The following TDRD3 variants were observed in gnomAD, a reference collection of about 807,000 sequenced individuals.
TDRD3 encodes the protein tudor domain-containing protein 3.
In TDRD3, 45 loss-of-function variants were observed where a neutral mutation model predicts 86.7. The ratio of observed to expected loss-of-function variants is 0.52; its 90% CI spans 0.41 to 0.67. The LOEUF (loss-of-function observed/expected upper bound fraction) is 0.67. Ranked by LOEUF, TDRD3 falls within the 30% of genes least tolerant of loss-of-function variation. The pLI is 0.00. For synonymous variants in TDRD3, 298 were observed against 301.7 expected, an observed-to-expected ratio of 0.99 and a Z score of 0.13; for missense variants, 814 against 889.0, an observed-to-expected ratio of 0.92 and a Z score of 1.07.
chr13:60,490,843 C>T (rs764666093), intron 7 of TDRD3, among the ~76,000 whole-genome samples: 7 of 152,060 alleles, frequency 4.6e-5, no homozygotes, highest in African/African-American at 1.4e-4. Flanking sequence ...TCTAGCCAGG[C>T]GCAGTGGCTC....
chr13:60,494,624 G>T, intron 8 of TDRD3, 49 bp downstream of exon 8: 1 of 1,563,596 alleles, frequency 6.4e-7, no homozygotes, highest in South Asian at 1.2e-5. Flanking sequence ...TTCTTAAAAT[G>T]ATTCTTTTAT....
At chr13:60,494,186 T>C (rs1956663492) in intron 7 of TDRD3, among the ~76,000 whole-genome samples, 1 of 152,216 alleles carries the variant, frequency 6.6e-6, no homozygotes, top group Non-Finnish European at 1.5e-5. Context: ...GTACACTCAT[T>C]TTCATGACTT....
chr13:60,485,980 C>A, intron 7 of TDRD3, 32 bp downstream of exon 7: 1 of 1,569,438 alleles, frequency 6.4e-7, no homozygotes, highest in South Asian at 1.2e-5. Flanking sequence ...CGTTTTATTT[C>A]TTATCATTAT....
At chr13:60,503,086 C>T (rs1156569898) in intron 8 of TDRD3, among the ~76,000 whole-genome samples, 8 of 152,154 alleles carry the variant, frequency 5.3e-5, no homozygotes, top group African/African-American at 1.9e-4. Flanking sequence ...GAAAGACAAA[C>T]AAGGATCATC....
chr13:60,546,430 T>A (rs542389757), intron 12 of TDRD3, among the ~76,000 whole-genome samples: 17 of 152,232 alleles, frequency 1.1e-4, no homozygotes, highest in African/African-American at 3.8e-4. Context: ...GACTAGAAAG[T>A]CTAAATTTTG....
At chr13:60,403,951 TC>T (rs1273702803) in intron 1 of TDRD3, among the ~76,000 whole-genome samples, 3 of 152,224 alleles carry the variant, frequency 2.0e-5, no homozygotes, top group Non-Finnish European at 4.4e-5. Context: ...TATTTATACC[TC>T]CTGTACACAA....
At chr13:60,463,473 C>T (rs1955846972) in intron 4 of TDRD3, among the ~76,000 whole-genome samples, 1 of 150,788 alleles carries the variant, frequency 6.6e-6, no homozygotes, top group African/African-American at 2.4e-5. Flanking sequence ...TGGATAAGAC[C>T]TCAAAAACAT....
intron 1 of TDRD3, among the ~76,000 whole-genome samples, chr13:60,432,637 G>A (rs1234273690): frequency 3.3e-5 from 5 of 152,096 alleles, no homozygotes; most frequent in East Asian, 3.9e-4. Context: ...AGAGATCTTC[G>A]TATGGGTAAT....
intron 12 of TDRD3, among the ~76,000 whole-genome samples, chr13:60,560,997 A>G (rs1017396279): frequency 6.6e-6 from 1 of 152,192 alleles, no homozygotes; most frequent in African/African-American, 2.4e-5. Context: ...GATGAGGTAC[A>G]TAAAAAGAGA....
At chr13:60,550,171 A>C (rs1958016560) in intron 12 of TDRD3, among the ~76,000 whole-genome samples, 1 of 152,146 alleles carries the variant, frequency 6.6e-6, no homozygotes, top group African/African-American at 2.4e-5. Flanking sequence ...TATAACACTC[A>C]TTAAATGAAG....
rs1000897304 is a variant in TDRD3, at chr13:60,522,821, A to G, written c.1142-5546A>G. ...AGAGCCTTTGTGATTTCTACATCTC[A>G]CCAGAAATGAACAGATACAGGTGAT... On this transcript the variant is annotated intron_variant, in intron 10 of 13. Coordinates refer to ENST00000377881, the MANE Select transcript of TDRD3 (RefSeq NM_001146070.2). Among the ~76,000 whole-genome samples the G allele has an allele frequency of 4.6e-5, 7 of 152,286 alleles. No individual in the cohort carries two copies. In the South Asian group the frequency reaches 1.5e-3, roughly 32 times the overall value.
intron 12 of TDRD3, among the ~76,000 whole-genome samples, chr13:60,541,447 G>T (rs1455431595): frequency 6.6e-6 from 1 of 152,032 alleles, no homozygotes; most frequent in East Asian, 1.9e-4. Flanking sequence ...GATTATGGGT[G>T]TGAGCCACCT....
intron 10 of TDRD3, among the ~76,000 whole-genome samples, chr13:60,515,237 G>A (rs1957143714): frequency 6.6e-6 from 1 of 152,084 alleles, no homozygotes; most frequent in South Asian, 2.1e-4. Flanking sequence ...AAGTTTTATT[G>A]CCAAAATAAG....
intron 3 of TDRD3, among the ~76,000 whole-genome samples, chr13:60,456,483 A>G (rs889844796): frequency 1.3e-4 from 20 of 152,198 alleles, no homozygotes; most frequent in Admixed American, 9.2e-4. Context: ...TTTCTAAGCC[A>G]CTAAAATTTT....
intron 12 of TDRD3, among the ~76,000 whole-genome samples, chr13:60,556,905 GT>G (rs909522643): frequency 1.3e-5 from 2 of 152,068 alleles, no homozygotes; most frequent in African/African-American, 4.8e-5. Flanking sequence ...TTAAGAAAAT[GT>G]AAATAGAAGT....
intron 12 of TDRD3, among the ~76,000 whole-genome samples, chr13:60,538,732 G>A (rs1595088812): frequency 6.6e-6 from 1 of 151,938 alleles, no homozygotes; most frequent in East Asian, 1.9e-4. Context: ...ACTCTAAAAC[G>A]AATTCCAGGA....
intron 12 of TDRD3, among the ~76,000 whole-genome samples, chr13:60,555,656 A>C (rs1958165536): frequency 6.6e-6 from 1 of 152,150 alleles, no homozygotes. Flanking sequence ...TGTTTATAAA[A>C]ATGTTTAGCA....
chr13:60,464,587 C>T (rs946744948), intron 4 of TDRD3, among the ~76,000 whole-genome samples: 2 of 150,262 alleles, frequency 1.3e-5, no homozygotes, highest in African/African-American at 5.0e-5. Context: ...CACACACATA[C>T]ACACACACAC....
chr13:60,501,447 A>G (rs1478523173), intron 8 of TDRD3, among the ~76,000 whole-genome samples: 1 of 152,226 alleles, frequency 6.6e-6, no homozygotes. Context: ...ACTAATATAA[A>G]TGGAACATTC....
Sources: gnomAD v4.1 joint callset for allele counts (sites outside exome capture counted in the v4.1 genomes callset) on GRCh38, gnomAD v4.1.1 for gene constraint, MANE v1.5 for transcripts, NCBI Gene and HGNC (gene_info 2026-07-23, HGNC 2026-07-21) for gene names.